The following MEF2D variants were observed in gnomAD, a reference collection of about 807,000 sequenced individuals.
MEF2D encodes the protein myocyte enhancer factor 2D.
In MEF2D, 10 loss-of-function variants were observed where a neutral mutation model predicts 59.3. The ratio of observed to expected loss-of-function variants is 0.17; its 90% confidence interval spans 0.10 to 0.29. The LOEUF (loss-of-function observed/expected upper bound fraction) is 0.29. Among genes scored for constraint, MEF2D ranks in the 10% least tolerant of loss-of-function variants. The pLI is 1.00. For synonymous variants in MEF2D, 305 were observed against 295.0 expected (o/e 1.03, Z -0.35); for missense variants, 508 against 699.4 (o/e 0.73, Z 3.09).
In MEF2D at chr1:156,483,402, G is replaced by A; in HGVS notation, c.-110C>T. 9.5e-7 allele frequency: 1 copy of A among 1,055,024 alleles called. No individual in the cohort carries two copies. Among genetic ancestry groups the A allele is most frequent in the South Asian group, 1.3e-5 (1 of 76,632 alleles). 65.4% of individuals were successfully genotyped at this position (1,055,024 alleles called of 1,614,324 possible). On this transcript the variant is annotated 5_prime_UTR_variant, in exon 2 of 12. Coordinates refer to ENST00000348159, the MANE Select transcript of MEF2D (RefSeq NM_005920.4). ...GGTCTGGGAACAGTGCTCAGTTCAT[G>A]GTCTGCAGGATACCTTCTGCACAGC...
chr1:156,491,897 T>A (rs1444178598), intron 1 of MEF2D, among the ~76,000 whole-genome samples: 2 of 152,246 alleles, frequency 1.3e-5, no homozygotes, highest in Non-Finnish European at 2.9e-5. Context: ...GGACACCAAG[T>A]GGAGTTCTTG....
Position 156,468,373 on chromosome 1 carries a change from C to T in MEF2D, c.1248-74G>A. 1 of 1,112,870 alleles carries T rather than the reference C, an allele frequency of 9.0e-7. No individual in the cohort carries two copies. Among genetic ancestry groups the T allele is most frequent in the African/African-American group, 1.6e-5 (1 of 64,100 alleles). 68.9% of individuals were successfully genotyped at this position (1,112,870 alleles called of 1,614,324 possible). ...GTGAGTGACAGAACAAGTGATAGGACACCAGACAGAAAGTGAGAGAGAACA... is the reference window on the plus strand; with the variant it reads ...GTGAGTGACAGAACAAGTGATAGGATACCAGACAGAAAGTGAGAGAGAACA... On this transcript the variant is annotated intron_variant, in intron 10 of 11. Coordinates refer to ENST00000348159, the MANE Select transcript of MEF2D (RefSeq NM_005920.4). This position sits in a 1 kb window ranked among gnomAD's most constrained non-coding sequence, Gnocchi z 4.3.
chr1:156,493,962 A>G (rs2102259668), intron 1 of MEF2D, among the ~76,000 whole-genome samples: 1 of 152,146 alleles, frequency 6.6e-6, no homozygotes, highest in Middle Eastern at 3.4e-3. Context: ...CCCAGCCATC[A>G]TGGGCCCCAG....
chr1:156,489,225 G>A (rs537442528), intron 1 of MEF2D, among the ~76,000 whole-genome samples: 131 of 152,268 alleles, frequency 8.6e-4, no homozygotes, highest in Middle Eastern at 3.4e-3. Flanking sequence ...GCTGGAGACA[G>A]CTGTCATCCC....
At chr1:156,500,074 G>A (rs1044826538) in intron 1 of MEF2D, among the ~76,000 whole-genome samples, 1 of 152,152 alleles carries the variant, frequency 6.6e-6, no homozygotes, top group Non-Finnish European at 1.5e-5. Flanking sequence ...AGGAGGGAGA[G>A]GGAGGGAGGG....
intron 1 of MEF2D, among the ~76,000 whole-genome samples, chr1:156,496,329 C>T (rs1673126233): frequency 2.0e-5 from 3 of 152,090 alleles, no homozygotes; most frequent in Non-Finnish European, 4.4e-5. Flanking sequence ...GTGTTAATCA[C>T]CGAAAGGCGA....
intron 1 of MEF2D, among the ~76,000 whole-genome samples, chr1:156,487,119 T>C (rs1571257270): frequency 6.6e-6 from 1 of 151,754 alleles, no homozygotes; most frequent in Non-Finnish European, 1.5e-5. Flanking sequence ...GAGGATGGGG[T>C]TGCTTAGGCA....
At chr1:156,481,246 C>T (rs939263651) in intron 3 of MEF2D, among the ~76,000 whole-genome samples, 1 of 152,110 alleles carries the variant, frequency 6.6e-6, no homozygotes, top group Non-Finnish European at 1.5e-5. Context: ...CATGTACTTC[C>T]AAAGTGACAG....
In MEF2D at chr1:156,475,203, G is replaced by C. The variant is rs377261646; in HGVS notation, c.911C>G (p.Thr304Ser). The change falls in exon 9 of 12, where the codon ACT becomes AGT. Residue 304 changes from threonine to serine, a missense_variant. Thr to Ser is a moderately conservative substitution (Grantham distance 58). Around this residue, in one of 2 missense-constraint regions of MEF2D, gnomAD observed 481 missense variants for 584.7 expected, o/e 0.82. Transcript: ENST00000348159. ...NAQRLGVSQS[T>S]HSLTTPVVSV... ...AACCACTGGGGTGGTGAGCGAATGA[G>C]TAGACTGGGAGACCCCAAGGCGCTG... is the stretch of plus-strand genomic sequence containing the variant. 39 of 1,613,724 alleles carry C rather than the reference G, an allele frequency of 2.4e-5. No homozygotes were observed. The highest frequency in any genetic ancestry group is 1.0e-4 in the Admixed American group (6 of 59,966).
rs1211575160 is a variant in MEF2D at position 156,471,667 on chromosome 1, C to T, written c.1007-2647G>A. On this transcript the variant is annotated intron_variant, in intron 9 of 11. Transcript: ENST00000348159. ...CAGAGCCACCACAGCCAGGCCTCTG[C>T]GGCCAGTGTCAACAAGGGGCCAGGC... Among the ~76,000 whole-genome samples the T allele has an allele frequency of 3.3e-5, 5 of 152,226 alleles. No individual in the cohort carries two copies. In the South Asian group the frequency reaches 6.2e-4, roughly 19 times the overall value.
chr1:156,492,482 C>T (rs1316573524), intron 1 of MEF2D, among the ~76,000 whole-genome samples: 1 of 152,190 alleles, frequency 6.6e-6, no homozygotes, highest in African/African-American at 2.4e-5. Context: ...CTCCTACCTA[C>T]CTTTAAGTCT....
chr1:156,498,606 C>A (rs947501797), intron 1 of MEF2D, among the ~76,000 whole-genome samples: 10 of 151,816 alleles, frequency 6.6e-5, no homozygotes, highest in South Asian at 6.2e-4. Flanking sequence ...TTCCCCCCTC[C>A]CCCCCTTCCC....
At chr1:156,484,816 G>A (rs567971565) in intron 1 of MEF2D, among the ~76,000 whole-genome samples, 5 of 152,302 alleles carry the variant, frequency 3.3e-5, no homozygotes, top group African/African-American at 7.2e-5. Flanking sequence ...CAGAAAAGGC[G>A]CATTCTCTCC....
chr1:156,482,316 T>C, intron 3 of MEF2D, 121 bp downstream of exon 3: 1 of 1,031,158 alleles, frequency 9.7e-7, no homozygotes, highest in South Asian at 1.4e-5. Flanking sequence ...GGTGAGGGGC[T>C]ACAAGGGGCA....
In MEF2D at chr1:156,468,042, T is replaced by C; in HGVS notation, c.1505A>G (p.Glu502Gly). The change falls in exon 11 of 12, where the codon GAG becomes GGG. Residue 502 changes from glutamate (E) to glycine (G), a missense_variant. Glu to Gly is a moderately conservative substitution (Grantham distance 98). Transcript: ENST00000348159. The surrounding 1 kb of genome is among the most constrained non-coding windows in gnomAD (Gnocchi z 4.3). ...PTLGLLRPAP[E>G]PEAEGSAVKR... ...CACAGCTGAGCCCTCAGCCTCAGGC[T>C]CTGGGGCTGGGCGCAGCAGGCCCAG... 6.2e-7 allele frequency: 1 copy of C among 1,613,972 alleles called. No homozygotes were observed.
intron 8 of MEF2D, among the ~76,000 whole-genome samples, 199 bp downstream of exon 8, chr1:156,476,295 G>A (rs1380756009): frequency 6.6e-6 from 1 of 152,110 alleles, no homozygotes; most frequent in Non-Finnish European, 1.5e-5. Flanking sequence ...ACACACACAC[G>A]TCTGACCTCT....
At chr1:156,482,335 AGT>A (rs1439328166) in intron 3 of MEF2D, 100 bp downstream of exon 3, 18 of 1,195,894 alleles carry the variant, frequency 1.5e-5, no homozygotes, top group Non-Finnish European at 2.2e-5. Flanking sequence ...CATGTATACC[AGT>A]GTGTGTGCAT....
chr1:156,475,204 T>A lies in MEF2D; in HGVS notation c.910A>T (p.Thr304Ser), dbSNP rs778508990. The A allele has an allele frequency of 3.7e-5, 59 of 1,613,520 alleles. No homozygotes were observed. The highest frequency in any genetic ancestry group is 3.3e-4 in the Middle Eastern group (2 of 6,068). The change falls in exon 9 of 12, where the codon ACT (threonine) becomes TCT (serine). Residue 304 changes from threonine (T) to serine (S), a missense_variant. Coordinates refer to ENST00000348159, the MANE Select transcript of MEF2D (RefSeq NM_005920.4). Reference sequence around the variant, plus strand: ...ACCACTGGGGTGGTGAGCGAATGAGTAGACTGGGAGACCCCAAGGCGCTGG... The same window carrying A: ...ACCACTGGGGTGGTGAGCGAATGAGAAGACTGGGAGACCCCAAGGCGCTGG... Reference protein sequence around the residue: ...NAQRLGVSQSTHSLTTPVVSV... With the variant: ...NAQRLGVSQSSHSLTTPVVSV...
intron 4 of MEF2D, 129 bp from the exon 5 acceptor site, chr1:156,479,925 C>A: frequency 1.2e-6 from 1 of 862,728 alleles, no homozygotes; most frequent in Non-Finnish European, 1.8e-6. Context: ...GCAGTTCAAG[C>A]TCCCTGCCCT....
Sources: gnomAD v4.1 joint callset for allele counts (sites outside exome capture counted in the v4.1 genomes callset) on GRCh38, gnomAD v4.1.1 for gene constraint, gnomAD v4.1.1 regional missense constraint, Gnocchi (gnomAD v3.1) non-coding constraint, MANE v1.5 for transcripts, NCBI Gene and HGNC (gene_info 2026-07-23, HGNC 2026-07-21) for gene names.